CKAP2: variants seen among roughly 807,000 people sequenced by gnomAD.
The protein encoded by CKAP2 is cytoskeleton associated protein 2, also known as cytoskeleton-associated protein 2.
In CKAP2, 46 loss-of-function variants were observed where a neutral mutation model predicts 58.4. The observed-to-expected ratio is 0.79, with a 90% CI of 0.62 to 1.01. The LOEUF (loss-of-function observed/expected upper bound fraction) is 1.01. Among genes scored for constraint, CKAP2 ranks in the 50% least tolerant of loss-of-function variants. The pLI, the probability that CKAP2 is intolerant of heterozygous loss-of-function variation, is 0.00. For missense variants in CKAP2, 809 were observed against 796.4 expected (o/e 1.02, Z -0.19); for synonymous variants, 293 against 280.9 (o/e 1.04, Z -0.43).
At chr13:52,457,089 G>A (rs1958497999) in intron 2 of CKAP2, among the ~76,000 whole-genome samples, 5 of 152,170 alleles carry the variant, frequency 3.3e-5, no homozygotes, top group Middle Eastern at 3.4e-3. Flanking sequence ...CAGAGACCGG[G>A]TTTCACTATG....
At chr13:52,465,905 G>GTA (rs756914269) in intron 6 of CKAP2, 24 of 189,028 alleles carry the variant, frequency 1.3e-4, no homozygotes, top group Non-Finnish European at 1.2e-4. Flanking sequence ...ACTCATATAT[G>GTA]TATATATATA....
At chr13:52,464,540 C>T (rs1340136201) in intron 5 of CKAP2, among the ~76,000 whole-genome samples, 13 of 95,166 alleles carry the variant, frequency 1.4e-4, no homozygotes, top group African/African-American at 5.6e-4. Flanking sequence ...GCAACAAGAG[C>T]AAAACTCCGT....
At chr13:52,455,925 A>T (rs891018551) in intron 1 of CKAP2, 1 of 1,156,618 alleles carries the variant, frequency 8.6e-7, no homozygotes, top group African/African-American at 1.7e-5. Flanking sequence ...GGTGTCGGAG[A>T]CCCTGGGTCC....
At chr13:52,472,399 C>T (rs1762117234) in intron 7 of CKAP2, among the ~76,000 whole-genome samples, 1 of 152,146 alleles carries the variant, frequency 6.6e-6, no homozygotes, top group Admixed American at 6.5e-5. Context: ...CTTTTCTCTC[C>T]TTCAGCTTCC....
At chr13:52,459,104 C>T (rs1241442551) in intron 2 of CKAP2, among the ~76,000 whole-genome samples, 1 of 152,016 alleles carries the variant, frequency 6.6e-6, no homozygotes, top group African/African-American at 2.4e-5. Context: ...TCTTGTCATC[C>T]TGAGTTTTGT....
chr13:52,469,813 G>A (rs915178108), intron 7 of CKAP2, among the ~76,000 whole-genome samples: 5 of 149,272 alleles, frequency 3.3e-5, no homozygotes, highest in Admixed American at 6.6e-5. Flanking sequence ...AGCCAGGATG[G>A]TCTCGATCTC....
At chr13:52,470,942 G>A (rs1958753346) in intron 7 of CKAP2, among the ~76,000 whole-genome samples, 1 of 152,044 alleles carries the variant, frequency 6.6e-6, no homozygotes, top group Non-Finnish European at 1.5e-5. Context: ...GGTGGATCAC[G>A]AAGTCAAGAG....
chr13:52,470,813 A>G (rs1483294549), intron 7 of CKAP2, among the ~76,000 whole-genome samples: 2 of 152,182 alleles, frequency 1.3e-5, no homozygotes, highest in African/African-American at 4.8e-5. Context: ...GAGAAGGGAA[A>G]ACCGAGGAAA....
rs1958814040 is a variant in CKAP2 at position 52,475,331 on chromosome 13, C to T, written c.*190C>T. ...TGTCCTCTACATTGGAAAGCTAATCCTACCTTGTCAGTTTCAACCAACTGA... is the reference window on the plus strand; with the variant it reads ...TGTCCTCTACATTGGAAAGCTAATCTTACCTTGTCAGTTTCAACCAACTGA... On this transcript the variant is annotated 3_prime_UTR_variant, in exon 9 of 9. Coordinates refer to ENST00000258607, the MANE Select transcript of CKAP2 (RefSeq NM_018204.5). 1.5e-6 allele frequency: 1 copy of T among 669,288 alleles called. No homozygotes were observed. Among genetic ancestry groups the T allele is most frequent in the African/African-American group, 1.8e-5 (1 of 55,132 alleles). The allele number at this position is 669,288 out of a possible 1,614,324, so 41.5% of individuals were successfully genotyped here. A position where few individuals can be genotyped will look rare whatever the true frequency, so the allele number is the denominator to read the frequency against.
At chr13:52,459,508 A>G (rs1958537816) in intron 2 of CKAP2, among the ~76,000 whole-genome samples, 1 of 152,026 alleles carries the variant, frequency 6.6e-6, no homozygotes, top group Non-Finnish European at 1.5e-5. Flanking sequence ...ATTTTAGTAG[A>G]GACAGGGTTT....
intron 6 of CKAP2, among the ~76,000 whole-genome samples, chr13:52,467,100 CAAAAA>C (rs34473477): frequency 5.4e-5 from 6 of 110,672 alleles, no homozygotes; most frequent in Admixed American, 9.6e-5. Flanking sequence ...CACCCTGTCT[CAAAAA>C]AAAAAAAAAA....
intron 7 of CKAP2, chr13:52,473,446 T>G (rs1423328202): frequency 1.8e-5 from 3 of 170,072 alleles, no homozygotes; most frequent in African/African-American, 7.2e-5. Context: ...TTATGTTAAT[T>G]TAATAGATCA....
At chr13:52,466,169 C>G (rs974672094) in intron 6 of CKAP2, among the ~76,000 whole-genome samples, 2 of 152,078 alleles carry the variant, frequency 1.3e-5, no homozygotes, top group South Asian at 2.1e-4. Flanking sequence ...TACTCCTTAT[C>G]TCTTCTAGCG....
rs186847086 is a variant in CKAP2, at chr13:52,464,062, C to A, written c.1306-1233C>A. Reference sequence around the variant, plus strand: ...TTACTGAATTACAAATATTTGATTTCTCTGAGCTAATTAATATGTAATACA... The same window carrying A: ...TTACTGAATTACAAATATTTGATTTATCTGAGCTAATTAATATGTAATACA... On this transcript the variant is annotated intron_variant, in intron 5 of 8. Transcript: ENST00000258607. Among the ~76,000 whole-genome samples the A allele has an allele frequency of 3.9e-5, 6 of 152,244 alleles. No individual in the cohort carries two copies. The East Asian group carries it at 1.2e-3, about 29-fold the overall frequency.
Position 52,468,294 on chromosome 13 carries a change from G to T in CKAP2, c.1493G>T (p.Arg498Leu). The T allele has an allele frequency of 6.3e-7, 1 of 1,595,842 alleles. No homozygotes were observed. Among genetic ancestry groups the T allele is most frequent in the South Asian group, 1.1e-5 (1 of 87,458 alleles). The change falls in exon 7 of 9, where the codon CGA becomes CTA. Residue 498 changes from arginine to leucine, a missense_variant. Transcript: ENST00000258607. ...LAGAQPIEEM[R>L]HTIVDILTMK... Reference sequence around the variant, plus strand: ...AAAATTAAGCCTATTGAAGAGATGCGACACACGATTGTAGATATTCTAACA... The same window carrying T: ...AAAATTAAGCCTATTGAAGAGATGCTACACACGATTGTAGATATTCTAACA...
chr13:52,473,807 T>G (rs781711165), intron 7 of CKAP2, 22 bp from the exon 8 acceptor site: 1 of 1,565,328 alleles, frequency 6.4e-7, no homozygotes, highest in East Asian at 2.3e-5. Flanking sequence ...AAAAGCTTAA[T>G]CTATAAATGT....
intron 2 of CKAP2, among the ~76,000 whole-genome samples, chr13:52,458,857 C>CAA (rs900395744): frequency 2.4e-4 from 24 of 98,506 alleles, no homozygotes; most frequent in South Asian, 6.5e-4. Flanking sequence ...GACTTTGTCT[C>CAA]AAAAAAAAAA....
At position 52,473,921 on chromosome 13, in the gene CKAP2, G is replaced by C; in HGVS notation, c.1639G>C (p.Glu547Gln). The stretch of plus-strand genomic sequence containing the variant: ...TGTTGATGTAGATCCAGAAAAACTG[G>C]AAATGGAGAGTAAACTTCATAGAAA... ...TGVDVDPEKL[E>Q]MESKLHRNLL... The change falls in exon 8 of 9, where the codon GAA becomes CAA. Residue 547 changes from glutamate to glutamine, a missense_variant. Physicochemically the swap from Glu to Gln is conservative, Grantham distance 29. This residue lies in a region of CKAP2 where 283 missense variants were observed against 287.6 expected (regional missense o/e 0.98). Transcript: ENST00000258607. 6.2e-7 allele frequency: 1 copy of C among 1,613,978 alleles called. No homozygotes were observed. Among genetic ancestry groups the C allele is most frequent in the African/African-American group, 1.3e-5 (1 of 75,002 alleles).
intron 7 of CKAP2, among the ~76,000 whole-genome samples, chr13:52,469,651 C>A (rs1456631326): frequency 2.0e-5 from 3 of 146,920 alleles, no homozygotes; most frequent in Admixed American, 1.4e-4. Context: ...CTGCGGACTG[C>A]AGTGGCGCAA....
Sources: allele counts gnomAD v4.1 joint callset (sites outside exome capture counted in the v4.1 genomes callset), GRCh38; gene constraint gnomAD v4.1.1; regional missense constraint gnomAD v4.1.1; transcripts MANE v1.5; gene names NCBI Gene and HGNC (gene_info 2026-07-23, HGNC 2026-07-21).